CFAP46: variants seen among roughly 807,000 people sequenced by gnomAD.
CFAP46 encodes cilia and flagella associated protein 46, also known as cilia- and flagella-associated protein 46.
Under a neutral mutation model 325.7 loss-of-function variants are expected in CFAP46, and 245 were observed. The observed-to-expected ratio is 0.75, with a 90% confidence interval of 0.68 to 0.84. The LOEUF (loss-of-function observed/expected upper bound fraction) is 0.84. Among genes scored for constraint, CFAP46 ranks in the 40% least tolerant of loss-of-function variants. The pLI, the probability that CFAP46 is intolerant of heterozygous loss-of-function variation, is 0.00. For synonymous variants in CFAP46, 1,523 were observed against 1,495.9 expected, an observed-to-expected ratio of 1.02 and a Z score of -0.42; for missense variants, 3,346 against 3,543.0, an observed-to-expected ratio of 0.94 and a Z score of 1.41.
At position 132,866,046 on chromosome 10, in the gene CFAP46, C is replaced by T. The variant is rs144128735; in HGVS notation, c.4869G>A (p.Ser1623=). 307 of 1,521,662 alleles carry T rather than the reference C, an allele frequency of 2.0e-4. No homozygotes were observed. Among genetic ancestry groups the T allele is most frequent in the South Asian group, 4.9e-4 (39 of 79,454 alleles). 94.3% of individuals were successfully genotyped at this position (1,521,662 alleles called of 1,614,324 possible). A position where few individuals can be genotyped will look rare whatever the true frequency, so the allele number is the denominator to read the frequency against. The part of the protein sequence containing the change: ...NLYQPARLLL[S]EAYLAFQELD... ...TCACCTGGAAAGCCAGGTAAGCCTC[C>T]GACAGGAGCAGCCGTGCAGGCTGGT... The change falls in exon 35 of 58, where the codon TCG becomes TCA. Residue 1623 remains serine (S), a synonymous_variant. Coordinates refer to ENST00000368586, the MANE Select transcript of CFAP46 (RefSeq NM_001200049.3).
intron 27 of CFAP46, among the ~76,000 whole-genome samples, chr10:132,883,770 G>T (rs571578337): frequency 6.6e-6 from 1 of 152,342 alleles, no homozygotes; most frequent in South Asian, 2.1e-4. Flanking sequence ...GTCCTAAACG[G>T]GAATGATGGG....
Position 132,935,488 on chromosome 10 carries a change from G to A in CFAP46, c.756-626C>T, listed in dbSNP as rs542824055. ...ACTCCCCTCAGCACCCAAACACACC[G>A]TGATCTCCTCACTCCCCTCAGCACC... On this transcript the variant is annotated intron_variant, in intron 7 of 57. Coordinates refer to ENST00000368586, the MANE Select transcript of CFAP46 (RefSeq NM_001200049.3). Among the ~76,000 whole-genome samples, 27 of 136,946 alleles carry A rather than the reference G, an allele frequency of 2.0e-4. 1 individual carries two copies. In the South Asian group the frequency reaches 4.0e-3, roughly 20 times the overall value. The allele number at this position is 136,946 out of a possible 152,430, so 89.8% of individuals were successfully genotyped here. A position where few individuals can be genotyped will look rare whatever the true frequency, so the allele number is the denominator to read the frequency against.
chr10:132,879,310 T>G (rs1014542023), intron 29 of CFAP46, 116 bp downstream of exon 29: 1 of 1,063,768 alleles, frequency 9.4e-7, no homozygotes, highest in Admixed American at 3.1e-5. Flanking sequence ...CTCAAAGGTC[T>G]TTAGGAAATG....
At chr10:132,916,815 G>T in intron 16 of CFAP46, 133 bp from the exon 17 acceptor site, 1 of 1,300,608 alleles carries the variant, frequency 7.7e-7, no homozygotes, top group Non-Finnish European at 1.0e-6. Context: ...CGTTTGCTGT[G>T]CCCTTTGCAA....
intron 26 of CFAP46, 64 bp downstream of exon 26, chr10:132,885,757 A>ACTCACAGGCGGTGTGGGGAGCACTCACT: frequency 1.5e-6 from 2 of 1,373,388 alleles, no homozygotes; most frequent in South Asian, 1.3e-5. Context: ...GAGCACTCAC[A>ACTCACAGGCGGTGTGGGGAGCACTCACT]GGCGGTGGGG....
chr10:132,937,589 T>C lies in CFAP46; in HGVS notation c.623A>G (p.His208Arg). 1 of 1,612,346 alleles carries C rather than the reference T, an allele frequency of 6.2e-7. No homozygotes were observed. The highest frequency in any genetic ancestry group is 8.5e-7 in the Non-Finnish European group (1 of 1,178,770). ...CSTAAPFIKS[H>R]VPQKYRQIFS... is the part of the protein sequence containing the mutation. ...TATCTGCCGGTATTTCTGTGGCACG[T>C]GAGACTTAATGAACGGAGCTGCCGT... The change falls in exon 6 of 58, where the codon CAC becomes CGC. Residue 208 changes from histidine (H) to arginine (R), a missense_variant. Transcript: ENST00000368586.
chr10:132,819,935 C>T lies in CFAP46; in HGVS notation c.7118-5021G>A, dbSNP rs187426350. 2.0e-5 allele frequency among the ~76,000 whole-genome samples: 3 copies of T among 152,200 alleles called. 1 individual carries two copies. The highest frequency in any genetic ancestry group is 1.3e-4 in the Admixed American group (2 of 15,290). On this transcript the variant is annotated intron_variant, in intron 50 of 57. Transcript: ENST00000368586. Reference sequence around the variant, plus strand: ...AGCTTCTGTATGGCTAAGGAAATAACGTAATGCAAAAGTGATCTATGGAGT... The same window carrying T: ...AGCTTCTGTATGGCTAAGGAAATAATGTAATGCAAAAGTGATCTATGGAGT...
At chr10:132,859,331 C>T (rs961796797) in intron 37 of CFAP46, 84 bp from the exon 38 acceptor site, 1 of 1,238,142 alleles carries the variant, frequency 8.1e-7, no homozygotes, top group Non-Finnish European at 1.1e-6. Context: ...CTGTTCTCCC[C>T]GGTGTTCATC....
At chr10:132,812,680 CAG>C (rs559010583) in intron 55 of CFAP46, 103 bp downstream of exon 55, 53 of 781,440 alleles carry the variant, frequency 6.8e-5, no homozygotes, top group Non-Finnish European at 1.1e-4. Context: ...GCTGCGGCCA[CAG>C]GGGGTGGGGG....
rs1053012727 is a variant in CFAP46 at position 132,827,470 on chromosome 10, T to G, written c.7117+5888A>C. ...CTTCTGCAAACTTCCGTGACACCGA[T>G]GCAAATTTGCTCTTTCTGTATTTCA... On this transcript the variant is annotated intron_variant, in intron 50 of 57. Transcript: ENST00000368586. The surrounding 1 kb of genome is among the most constrained non-coding windows in gnomAD (Gnocchi z 5.7). Among the ~76,000 whole-genome samples the G allele has an allele frequency of 6.6e-6, 1 of 151,978 alleles. No homozygotes were observed. Among genetic ancestry groups the G allele is most frequent in the African/African-American group, 2.4e-5 (1 of 41,372 alleles).
chr10:132,843,804 G>A (rs373766170), intron 44 of CFAP46, among the ~76,000 whole-genome samples: 22 of 77,002 alleles, frequency 2.9e-4, no homozygotes, highest in African/African-American at 4.2e-4. Context: ...CTCTGGTCTC[G>A]GTGGGTGTTC....
intron 19 of CFAP46, among the ~76,000 whole-genome samples, chr10:132,912,430 T>C (rs1272085719): frequency 4.1e-5 from 4 of 98,698 alleles, no homozygotes; most frequent in African/African-American, 1.3e-4. Context: ...CTCTCTCACC[T>C]CCCTCTCTCC....
At position 132,884,082 on chromosome 10, in the gene CFAP46, G is replaced by A. The variant is rs1198389766; in HGVS notation, c.3627+1021C>T. Among the ~76,000 whole-genome samples, 2 of 152,254 alleles carry A rather than the reference G, an allele frequency of 1.3e-5. No individual in the cohort carries two copies. Among genetic ancestry groups the A allele is most frequent in the East Asian group, 3.8e-4 (2 of 5,204 alleles). ...AAGGGTTTCTGCCCCGAGGCCCAGT[G>A]CAGCTCAGCTGGGTCCTGCCTTCCC... On this transcript the variant is annotated intron_variant, in intron 27 of 57. Transcript: ENST00000368586. This position sits in a 1 kb window ranked among gnomAD's most constrained non-coding sequence, Gnocchi z 5.4.
intron 24 of CFAP46, among the ~76,000 whole-genome samples, chr10:132,892,976 G>T (rs1220584190): frequency 6.6e-6 from 1 of 152,104 alleles, no homozygotes; most frequent in African/African-American, 2.4e-5. Context: ...AATAATAACT[G>T]GTCTCAGCCA....
In CFAP46 at chr10:132,832,248, C is replaced by A. The variant is rs193204521; in HGVS notation, c.7117+1110G>T. On this transcript the variant is annotated intron_variant, in intron 50 of 57. Transcript: ENST00000368586. The surrounding 1 kb of genome is among the most constrained non-coding windows in gnomAD (Gnocchi z 4.1). ...CACACAGGTGGTGGCTGTCTTCCTGCTGAGGGCTCTGCAGATCTCGGAGTG... is the reference window on the plus strand; with the variant it reads ...CACACAGGTGGTGGCTGTCTTCCTGATGAGGGCTCTGCAGATCTCGGAGTG... 3.5e-3 allele frequency among the ~76,000 whole-genome samples: 538 copies of A among 152,296 alleles called. 3 individuals carry two copies. The highest frequency in any genetic ancestry group is 7.5e-3 in the South Asian group (36 of 4,820).
intron 39 of CFAP46, among the ~76,000 whole-genome samples, chr10:132,854,462 C>G (rs954749396): frequency 6.6e-6 from 1 of 152,100 alleles, no homozygotes; most frequent in Non-Finnish European, 1.5e-5. Flanking sequence ...CTCAGCCTCC[C>G]GAGTAGCTGG....
At chr10:132,894,849 T>C (rs1849299672) in intron 24 of CFAP46, among the ~76,000 whole-genome samples, 1 of 152,178 alleles carries the variant, frequency 6.6e-6, no homozygotes, top group African/African-American at 2.4e-5. Context: ...TCCTGGACTA[T>C]ATGGCTTCAT....
At chr10:132,819,497 A>T (rs1397324868) in intron 50 of CFAP46, among the ~76,000 whole-genome samples, 1 of 152,254 alleles carries the variant, frequency 6.6e-6, no homozygotes, top group Non-Finnish European at 1.5e-5. Flanking sequence ...ATTATGCAAC[A>T]AAGCTATAGT....
In CFAP46 at chr10:132,814,733, C is replaced by T. The variant is rs375364632; in HGVS notation, c.7202G>A (p.Arg2401Gln). The T allele has an allele frequency of 4.2e-5, 68 of 1,613,340 alleles. 1 individual carries two copies. Among genetic ancestry groups the T allele is most frequent in the South Asian group, 1.6e-4 (15 of 91,056 alleles). The change falls in exon 52 of 58, where the codon CGG becomes CAG. Residue 2401 changes from arginine to glutamine, a missense_variant. Physicochemically the swap from Arg to Gln is conservative, Grantham distance 43. Transcript: ENST00000368586. ...TATGATGCAGTCAGGGGGGATGGTCCGGGGGATGCTGCCCTGCAACCACAG... is the reference window on the plus strand; with the variant it reads ...TATGATGCAGTCAGGGGGGATGGTCTGGGGGATGCTGCCCTGCAACCACAG... Reference protein sequence around the residue: ...AKKGRKGSIPRTIPPDCIIVD... With the variant: ...AKKGRKGSIPQTIPPDCIIVD...
Sources: allele counts gnomAD v4.1 joint callset (sites outside exome capture counted in the v4.1 genomes callset), GRCh38; gene constraint gnomAD v4.1.1; non-coding constraint Gnocchi (gnomAD v3.1); transcripts MANE v1.5; gene names NCBI Gene and HGNC (gene_info 2026-07-23, HGNC 2026-07-21).